Variants in WWOX observed in about 807,000 individuals in gnomAD.
WWOX encodes the protein WW domain-containing oxidoreductase.
A neutral mutation model predicts 46.2 loss-of-function variants in WWOX; 69 were observed. The observed-to-expected ratio is 1.49, with a 90% CI of 1.23 to 1.82. The LOEUF is 1.82. WWOX is among the 40% of genes most tolerant of loss of function. The pLI, the probability that WWOX is intolerant of heterozygous loss-of-function variation, is 0.00. For missense variants in WWOX, 919 were observed against 542.6 expected (o/e 1.69, Z -6.89); for synonymous variants, 359 against 202.6 (o/e 1.77, Z -6.56).
At chr16:78,707,902 A>G (rs190874512) in intron 8 of WWOX, among the ~76,000 whole-genome samples, 10 of 152,224 alleles carry the variant, frequency 6.6e-5, no homozygotes, top group Non-Finnish European at 1.2e-4. Flanking sequence ...ATCTGTCCCC[A>G]AGTCACAATG....
At chr16:78,723,025 G>C (rs904624323) in intron 8 of WWOX, among the ~76,000 whole-genome samples, 2 of 152,106 alleles carry the variant, frequency 1.3e-5, no homozygotes, top group African/African-American at 2.4e-5. Context: ...CTGGGTGACA[G>C]AGCAAGATTT....
chr16:78,999,292 G>A (rs2047049127), intron 8 of WWOX, among the ~76,000 whole-genome samples: 1 of 152,166 alleles, frequency 6.6e-6, no homozygotes, highest in South Asian at 2.1e-4. Context: ...CCAACATGGA[G>A]AAACCCCGTC....
rs942120381 is a variant in WWOX at position 78,329,428 on chromosome 16, G to C, written c.517-57432G>C. The stretch of plus-strand genomic sequence containing the variant: ...CAGACAGAGTGAAATTTCTGTATTT[G>C]CTGACCCTGTCGCCAGTAGCCTGGA... On this transcript the variant is annotated intron_variant, in intron 5 of 8. Transcript: ENST00000566780. 5.9e-5 allele frequency among the ~76,000 whole-genome samples: 9 copies of C among 152,280 alleles called. 1 individual carries two copies. Among genetic ancestry groups the C allele is most frequent in the Admixed American group, 2.6e-4 (4 of 15,300 alleles).
chr16:78,920,676 C>G (rs1048483837), intron 8 of WWOX, among the ~76,000 whole-genome samples: 2 of 152,132 alleles, frequency 1.3e-5, no homozygotes, highest in East Asian at 1.9e-4. Flanking sequence ...ACTCCTTTGT[C>G]TTTCAGAGAA....
intron 8 of WWOX, among the ~76,000 whole-genome samples, chr16:78,965,324 G>A (rs570396597): frequency 1.0e-3 from 158 of 152,184 alleles, no homozygotes; most frequent in African/African-American, 3.4e-3. Context: ...ATCCTAGCAC[G>A]TTGGGAGGCT....
chr16:79,028,900 A>AG (rs1310734940), intron 8 of WWOX, among the ~76,000 whole-genome samples: 4 of 151,400 alleles, frequency 2.6e-5, no homozygotes, highest in Non-Finnish European at 5.9e-5. Context: ...AACCACTAGA[A>AG]AAAAAAATGT....
chr16:78,591,876 C>T (rs2045360313), intron 8 of WWOX, among the ~76,000 whole-genome samples: 2 of 152,312 alleles, frequency 1.3e-5, no homozygotes, highest in South Asian at 2.1e-4. Context: ...TGAGCTACCA[C>T]CACTGCCTCT....
chr16:79,108,170 CCCACTA>C (rs2049347088), intron 8 of WWOX, among the ~76,000 whole-genome samples: 1 of 152,200 alleles, frequency 6.6e-6, no homozygotes, highest in South Asian at 2.1e-4. Flanking sequence ...GGCAAGGAAG[CCCACTA>C]GTCCACTGTC....
At chr16:78,367,602 T>C (rs1323053474) in intron 5 of WWOX, among the ~76,000 whole-genome samples, 1 of 152,162 alleles carries the variant, frequency 6.6e-6, no homozygotes, top group Non-Finnish European at 1.5e-5. Flanking sequence ...GTAAAGTATT[T>C]ACGGATGTGG....
chr16:78,311,956 A>G (rs896656382), intron 5 of WWOX, among the ~76,000 whole-genome samples: 2 of 152,148 alleles, frequency 1.3e-5, no homozygotes, highest in Non-Finnish European at 2.9e-5. Context: ...TGGATACTGT[A>G]GAGGAGAATA....
At chr16:78,157,807 T>C (rs1597283300) in intron 4 of WWOX, among the ~76,000 whole-genome samples, 1 of 152,342 alleles carries the variant, frequency 6.6e-6, no homozygotes, top group Non-Finnish European at 1.5e-5. Context: ...GTAGCACATC[T>C]AGGAGCAAGT....
chr16:78,289,358 G>A (rs1372687132), intron 5 of WWOX, among the ~76,000 whole-genome samples: 3 of 152,124 alleles, frequency 2.0e-5, no homozygotes, highest in Admixed American at 6.5e-5. Flanking sequence ...GTTTAGTAGA[G>A]CTCGAATAGT....
chr16:79,146,636 G>T (rs1444434044), intron 8 of WWOX, among the ~76,000 whole-genome samples: 1 of 152,170 alleles, frequency 6.6e-6, no homozygotes, highest in Non-Finnish European at 1.5e-5. Flanking sequence ...GGAGAATGCA[G>T]CCAGTACCCT....
chr16:79,178,074 G>A lies in WWOX; in HGVS notation c.1057-33534G>A, dbSNP rs573975828. ...TAGAAAGGCACAAATCCACTCTTGT[G>A]ATCTAATCACCTTTCAAAGGCCCTA... On this transcript the variant is annotated intron_variant, in intron 8 of 8. Coordinates refer to ENST00000566780, the MANE Select transcript of WWOX (RefSeq NM_016373.4). Among the ~76,000 whole-genome samples the A allele has an allele frequency of 2.0e-3, 302 of 152,198 alleles. 1 individual carries two copies. The highest frequency in any genetic ancestry group is 6.7e-3 in the African/African-American group (279 of 41,536).
intron 8 of WWOX, among the ~76,000 whole-genome samples, chr16:78,917,712 C>A (rs1019570518): frequency 1.8e-4 from 27 of 152,024 alleles, no homozygotes; most frequent in Non-Finnish European, 1.0e-4. Context: ...GGGACTGTAT[C>A]TCCTGTTTTT....
At chr16:78,513,184 T>C (rs1160276067) in intron 8 of WWOX, among the ~76,000 whole-genome samples, 1 of 152,238 alleles carries the variant, frequency 6.6e-6, no homozygotes, top group East Asian at 1.9e-4. Context: ...CAAATCATTT[T>C]TGGAAGGAGA....
At chr16:78,840,929 A>G (rs972536382) in intron 8 of WWOX, among the ~76,000 whole-genome samples, 1 of 152,066 alleles carries the variant, frequency 6.6e-6, no homozygotes, top group African/African-American at 2.4e-5. Context: ...TAGTAGGACT[A>G]TTGCCAGTGG....
chr16:79,121,276 C>G (rs951743985), intron 8 of WWOX, among the ~76,000 whole-genome samples: 1 of 152,164 alleles, frequency 6.6e-6, no homozygotes, highest in Admixed American at 6.5e-5. Flanking sequence ...AGGTGCATTG[C>G]TAATTACATG....
intron 8 of WWOX, among the ~76,000 whole-genome samples, chr16:78,662,968 T>A (rs930177755): frequency 1.8e-4 from 27 of 152,200 alleles, no homozygotes; most frequent in African/African-American, 6.3e-4. Flanking sequence ...AACTTAATCT[T>A]GGAAGTCACA....
Sources: gnomAD v4.1 joint callset for allele counts (sites outside exome capture counted in the v4.1 genomes callset) on GRCh38, gnomAD v4.1.1 for gene constraint, MANE v1.5 for transcripts, NCBI Gene and HGNC (gene_info 2026-07-23, HGNC 2026-07-21) for gene names.